SLCO3A1: variants seen among roughly 807,000 people sequenced by gnomAD.
SLCO3A1 encodes solute carrier organic anion transporter family member 3A1.
Under a neutral mutation model 63.1 loss-of-function variants are expected in SLCO3A1, and 27 were observed. The observed-to-expected ratio is 0.43, with a 90% CI of 0.32 to 0.59. The LOEUF (loss-of-function observed/expected upper bound fraction) is 0.59, where lower values mean the gene tolerates loss of function less well. Among genes scored for constraint, SLCO3A1 ranks in the 20% least tolerant of loss-of-function variants. SLCO3A1 has a pLI of 0.09. For missense variants in SLCO3A1, 773 were observed against 945.8 expected (o/e 0.82, Z 2.40); for synonymous variants, 473 against 409.9 (o/e 1.15, Z -1.86).
At chr15:92,068,305 C>T (rs569637481) in intron 2 of SLCO3A1, among the ~76,000 whole-genome samples, 33 of 152,242 alleles carry the variant, frequency 2.2e-4, no homozygotes, top group East Asian at 1.2e-3. Context: ...TTGCAAACCA[C>T]GTGAGTCCAT....
At chr15:92,017,308 G>A (rs1216018804) in intron 2 of SLCO3A1, among the ~76,000 whole-genome samples, 1 of 151,684 alleles carries the variant, frequency 6.6e-6, no homozygotes, top group Non-Finnish European at 1.5e-5. Context: ...GGAAAGAGCA[G>A]GTGGCATTGA....
chr15:91,995,369 C>T (rs1018769706), intron 2 of SLCO3A1, among the ~76,000 whole-genome samples: 1 of 152,080 alleles, frequency 6.6e-6, no homozygotes, highest in South Asian at 2.1e-4. Context: ...TGTGAGGAGC[C>T]CATGGGATAA....
At chr15:91,913,451 A>AGGT (rs1214659423) in intron 1 of SLCO3A1, among the ~76,000 whole-genome samples, 2 of 152,248 alleles carry the variant, frequency 1.3e-5, no homozygotes, top group Non-Finnish European at 2.9e-5. Flanking sequence ...AGAACCTCCC[A>AGGT]GGTGGGACCA....
chr15:91,977,505 A>T (rs1481183817), intron 2 of SLCO3A1, among the ~76,000 whole-genome samples: 1 of 152,224 alleles, frequency 6.6e-6, no homozygotes, highest in East Asian at 1.9e-4. Context: ...TGGGGTTCTC[A>T]GACATGGAAA....
intron 2 of SLCO3A1, among the ~76,000 whole-genome samples, chr15:91,930,940 T>G (rs1899204360): frequency 6.6e-6 from 1 of 152,240 alleles, no homozygotes; most frequent in Admixed American, 6.5e-5. Context: ...TGTGTTTTCC[T>G]GCTTCACAGC....
intron 8 of SLCO3A1, among the ~76,000 whole-genome samples, chr15:92,150,297 G>A (rs2048287804): frequency 6.6e-6 from 1 of 152,158 alleles, no homozygotes; most frequent in Admixed American, 6.5e-5. Flanking sequence ...GATTGAGGCT[G>A]GGTCTGCCTT....
At chr15:92,153,968 G>C (rs1840976470) in intron 9 of SLCO3A1, among the ~76,000 whole-genome samples, 1 of 152,156 alleles carries the variant, frequency 6.6e-6, no homozygotes, top group Admixed American at 6.5e-5. Context: ...GGAGGGTGAG[G>C]CAGAAGAATC....
At chr15:92,146,563 C>CTGAT (rs2048226362) in intron 7 of SLCO3A1, among the ~76,000 whole-genome samples, 1 of 152,224 alleles carries the variant, frequency 6.6e-6, no homozygotes. Context: ...TGCGGGTTAC[C>CTGAT]TGATTTACTT....
At chr15:91,866,585 A>G (rs1039477610) in intron 1 of SLCO3A1, among the ~76,000 whole-genome samples, 1 of 150,616 alleles carries the variant, frequency 6.6e-6, no homozygotes, top group Non-Finnish European at 1.5e-5. Context: ...TAAAAAAAAA[A>G]AAAAAAGAAA....
intron 2 of SLCO3A1, among the ~76,000 whole-genome samples, chr15:91,956,793 T>C (rs1269079163): frequency 3.6e-5 from 5 of 140,370 alleles, no homozygotes; most frequent in Non-Finnish European, 1.5e-5. Flanking sequence ...TTTTTTTTTT[T>C]TTTTTCTTTT....
intron 2 of SLCO3A1, among the ~76,000 whole-genome samples, chr15:92,060,429 G>A (rs1282278404): frequency 2.0e-5 from 3 of 151,606 alleles, no homozygotes; most frequent in African/African-American, 4.8e-5. Flanking sequence ...GCGCTGTGAT[G>A]CACGCCTGTA....
chr15:91,867,822 C>G (rs1157197719), intron 1 of SLCO3A1, among the ~76,000 whole-genome samples: 1 of 152,126 alleles, frequency 6.6e-6, no homozygotes, highest in Non-Finnish European at 1.5e-5. Context: ...CCCGGGTGTT[C>G]TGGGGGCTGG....
chr15:92,126,303 C>G, intron 6 of SLCO3A1, 44 bp downstream of exon 6: 1 of 1,532,152 alleles, frequency 6.5e-7, no homozygotes. Context: ...TGTTCAGGGA[C>G]CCTAGCAATC....
chr15:92,048,896 T>A (rs2046923297), intron 2 of SLCO3A1, among the ~76,000 whole-genome samples: 1 of 152,166 alleles, frequency 6.6e-6, no homozygotes, highest in Admixed American at 6.5e-5. Flanking sequence ...CATTCAGCAG[T>A]TTCTTTATTG....
intron 2 of SLCO3A1, among the ~76,000 whole-genome samples, chr15:92,065,907 G>T (rs905188730): frequency 6.6e-6 from 1 of 152,204 alleles, no homozygotes; most frequent in African/African-American, 2.4e-5. Context: ...AAGAAAAAAG[G>T]TTTCCTGAGC....
chr15:91,961,822 G>A (rs1404346959), intron 2 of SLCO3A1, among the ~76,000 whole-genome samples: 1 of 152,208 alleles, frequency 6.6e-6, no homozygotes, highest in Non-Finnish European at 1.5e-5. Flanking sequence ...CTCTATGAGA[G>A]CGACCCATTC....
rs1898679196 is a variant in SLCO3A1 at position 91,916,829 on chromosome 15, G to T, written c.646+371G>T. 1.3e-5 allele frequency among the ~76,000 whole-genome samples: 2 copies of T among 152,200 alleles called. No individual in the cohort carries two copies. Among genetic ancestry groups the T allele is most frequent in the African/African-American group, 2.4e-5 (1 of 41,450 alleles). On this transcript the variant is annotated intron_variant, in intron 2 of 9. Transcript: ENST00000318445. The surrounding 1 kb of genome is among the most constrained non-coding windows in gnomAD (Gnocchi z 6.2). ...TGGGGTCTACACATTGGAAACTCCA[G>T]CTTTGAAGAATCAGAATGATGTCCT...
intron 7 of SLCO3A1, among the ~76,000 whole-genome samples, chr15:92,140,957 T>C (rs1208298657): frequency 6.6e-6 from 1 of 152,184 alleles, no homozygotes; most frequent in Non-Finnish European, 1.5e-5. Context: ...TTGTGACTCA[T>C]ATTGTATATA....
intron 2 of SLCO3A1, among the ~76,000 whole-genome samples, chr15:92,076,374 G>A (rs1216701737): frequency 2.0e-5 from 1 of 50,444 alleles, no homozygotes; most frequent in Non-Finnish European, 6.1e-5. Flanking sequence ...TTCTGCTGAT[G>A]CAGCCTATGT....
Sources: gnomAD v4.1 joint callset for allele counts (sites outside exome capture counted in the v4.1 genomes callset) on GRCh38, gnomAD v4.1.1 for gene constraint, Gnocchi (gnomAD v3.1) non-coding constraint, MANE v1.5 for transcripts, NCBI Gene and HGNC (gene_info 2026-07-23, HGNC 2026-07-21) for gene names.